Variants in KIAA0930 observed in about 807,000 individuals in gnomAD.
The protein encoded by KIAA0930 is KIAA0930.
KIAA0930 carries 24 observed loss-of-function variants against 43.9 expected under a neutral mutation model. The observed-to-expected ratio is 0.55, with a 90% CI of 0.40 to 0.77. The LOEUF is 0.77. Ranked by LOEUF, KIAA0930 falls within the 30% of genes least tolerant of loss-of-function variation. KIAA0930 has a pLI of 0.00. For synonymous variants in KIAA0930, 259 were observed against 216.4 expected (o/e 1.20, Z -1.73); for missense variants, 461 against 574.2 (o/e 0.80, Z 2.02).
At position 45,229,300 on chromosome 22, in the gene KIAA0930, CTGAAAGAT is replaced by C. The variant is rs1220125765; in HGVS notation, c.64+11332_64+11339del. ...CTCCACCCCCGCCATCACCACTCACCTGAAAGATCCCTCTCCACATCCCCACCACCACT... is the reference window on the plus strand; with the variant it reads ...CTCCACCCCCGCCATCACCACTCACCCCCTCTCCACATCCCCACCACCACT... On this transcript the variant is annotated intron_variant, in intron 1 of 9. Transcript: ENST00000336156. Among the ~76,000 whole-genome samples, 13 of 109,582 alleles carry C rather than the reference CTGAAAGAT, an allele frequency of 1.2e-4. 1 individual carries two copies. Among genetic ancestry groups the C allele is most frequent in the Admixed American group, 2.8e-4 (3 of 10,778 alleles). The allele number at this position is 109,582 out of a possible 152,430, so 71.9% of individuals were successfully genotyped here.
Position 45,196,869 on chromosome 22 carries a change from C to T in KIAA0930, c.*307G>A, listed in dbSNP as rs893502934. 2.1e-5 allele frequency: 8 copies of T among 378,224 alleles called. No individual in the cohort carries two copies. The highest frequency in any genetic ancestry group is 4.7e-5 in the Admixed American group (1 of 21,088). 23.4% of individuals were successfully genotyped at this position (378,224 alleles called of 1,614,324 possible). ...CGCTCTGGGCATCAGCTGCTCCTTCCGCTCTCTCTCATGGCCGCTCGGCAT... is the reference window on the plus strand; with the variant it reads ...CGCTCTGGGCATCAGCTGCTCCTTCTGCTCTCTCTCATGGCCGCTCGGCAT... On this transcript the variant is annotated 3_prime_UTR_variant, in exon 10 of 10. Transcript: ENST00000336156. This position sits in a 1 kb window ranked among gnomAD's most constrained non-coding sequence, Gnocchi z 4.1.
chr22:45,197,922 G>A lies in KIAA0930; in HGVS notation c.1042C>T (p.Arg348Trp), dbSNP rs1191308350. 9 of 1,614,044 alleles carry A rather than the reference G, an allele frequency of 5.6e-6. No homozygotes were observed. Among genetic ancestry groups the A allele is most frequent in the African/African-American group, 5.3e-5 (4 of 74,934 alleles). The change falls in exon 9 of 10, where the codon CGG becomes TGG. Residue 348 changes from arginine (R) to tryptophan (W), a missense_variant. Transcript: ENST00000336156. ...CCTGTGCCCGACAGGGACCGAGACC[G>A]CAGGTTGGTTGCATTGTGCAGATCG... ...GADLHNATNLRSRSLSGTGRS... is the reference protein window; with the variant it reads ...GADLHNATNLWSRSLSGTGRS...
chr22:45,197,653 CA>C lies in KIAA0930; in HGVS notation c.1174+136del, dbSNP rs1473020043. On this transcript the variant is annotated intron_variant, in intron 9 of 9. Coordinates refer to ENST00000336156, the MANE Select transcript of KIAA0930 (RefSeq NM_001009880.2). ...CACCCAAAGTCTGAGACAAAGAGGC[CA>C]AGAGCCCTGCAAAGAAACCCAACCA... is the stretch of plus-strand genomic sequence containing the variant. 6 of 842,908 alleles carry C rather than the reference CA, an allele frequency of 7.1e-6. No individual in the cohort carries two copies. The African/African-American group carries it at 1.0e-4, about 14-fold the overall frequency. 52.2% of individuals were successfully genotyped at this position (842,908 alleles called of 1,614,324 possible).
chr22:45,228,775 C>CACCCGAAAGATCCCTCCCCA (rs1601824851), intron 1 of KIAA0930, among the ~76,000 whole-genome samples: 1 of 3,646 alleles, frequency 2.7e-4, no homozygotes, highest in Non-Finnish European at 4.9e-4. Context: ...CCCTCCCCAT[C>CACCCGAAAGATCCCTCCCCA]CCCCCCAACC....
At chr22:45,227,877 C>A (rs1236916816) in intron 1 of KIAA0930, among the ~76,000 whole-genome samples, 1 of 152,320 alleles carries the variant, frequency 6.6e-6, no homozygotes, top group South Asian at 2.1e-4. Context: ...GAGAGGGCTC[C>A]CGGGAGCTGA....
intron 1 of KIAA0930, among the ~76,000 whole-genome samples, chr22:45,238,875 GCTCTCTCT>G (rs141242172): frequency 1.4e-4 from 20 of 145,404 alleles, no homozygotes; most frequent in African/African-American, 4.4e-4. Flanking sequence ...CCCTGGGCAG[GCTCTCTCT>G]CTCTCTCTCT....
chr22:45,200,320 A>G, intron 7 of KIAA0930: 1 of 377,982 alleles, frequency 2.6e-6, no homozygotes, highest in African/African-American at 2.1e-5. Flanking sequence ...CTGGGCCTCA[A>G]ACAGTGGGTA....
intron 7 of KIAA0930, among the ~76,000 whole-genome samples, chr22:45,201,742 A>G (rs973475880): frequency 6.6e-6 from 1 of 151,988 alleles, no homozygotes; most frequent in Non-Finnish European, 1.5e-5. Flanking sequence ...TGCAGAAGAT[A>G]CCTCCCCCCC....
At chr22:45,212,465 G>T in intron 1 of KIAA0930, 4 of 1,453,464 alleles carry the variant, frequency 2.8e-6, no homozygotes, top group Non-Finnish European at 3.6e-6. Flanking sequence ...GCTGGAAGCC[G>T]GGAAGGCTTG....
rs774355341 is a variant in KIAA0930, at chr22:45,197,936, T to A, written c.1028A>T (p.Asn343Ile). The change falls in exon 9 of 10, where the codon AAT (asparagine) becomes ATT (isoleucine). Residue 343 changes from asparagine (N) to isoleucine (I), a missense_variant. By Grantham distance (149) the Asn-to-Ile change is moderately radical. Transcript: ENST00000336156. Reference sequence around the variant, plus strand: ...GGACCGAGACCGCAGGTTGGTTGCATTGTGCAGATCGGCTGGAGGAAAGAA... The same window carrying A: ...GGACCGAGACCGCAGGTTGGTTGCAATGTGCAGATCGGCTGGAGGAAAGAA... Reference protein sequence around the residue: ...REDDGGADLHNATNLRSRSLS... With the variant: ...REDDGGADLHIATNLRSRSLS... 6.2e-7 allele frequency: 1 copy of A among 1,613,866 alleles called. No individual in the cohort carries two copies. Among genetic ancestry groups the A allele is most frequent in the East Asian group, 2.2e-5 (1 of 44,882 alleles).
chr22:45,220,782 T>C (rs556585131), intron 1 of KIAA0930, among the ~76,000 whole-genome samples: 99 of 152,284 alleles, frequency 6.5e-4, no homozygotes, highest in East Asian at 1.4e-3. Flanking sequence ...GGTTTCGCCA[T>C]GTTGCCCAGG....
intron 1 of KIAA0930, among the ~76,000 whole-genome samples, chr22:45,236,586 A>G (rs1749079418): frequency 3.3e-5 from 5 of 152,028 alleles, no homozygotes; most frequent in Admixed American, 3.3e-4. Context: ...AGGCTGCCAC[A>G]CAACCTGGAA....
Position 45,204,591 on chromosome 22 carries a change from T to G in KIAA0930, c.517-606A>C, listed in dbSNP as rs143471227. On this transcript the variant is annotated intron_variant, in intron 5 of 9. Transcript: ENST00000336156. ...TTTCCTGCAGACGCCCACGCCTTCC[T>G]CCTAAGTCCTCAGGGCCCTGAGCAC... Among the ~76,000 whole-genome samples, 1,198 of 152,226 alleles carry G rather than the reference T, an allele frequency of 7.9e-3. 10 individuals are homozygous for G. Among genetic ancestry groups the G allele is most frequent in the African/African-American group, 0.027 (1,140 of 41,528 alleles).
At chr22:45,208,918 C>T (rs5766543) in intron 2 of KIAA0930, among the ~76,000 whole-genome samples, 3,795 of 152,288 alleles carry the variant, frequency 0.025, 157 homozygotes, top group East Asian at 0.14. Context: ...CACAGGGCTC[C>T]GGCCACCAGC....
chr22:45,206,504 T>A (rs2083639121), intron 2 of KIAA0930, among the ~76,000 whole-genome samples: 1 of 152,232 alleles, frequency 6.6e-6, no homozygotes, highest in Non-Finnish European at 1.5e-5. Context: ...TAGTGACACC[T>A]ACTGAGCTCT....
chr22:45,238,335 G>C (rs1364196057), intron 1 of KIAA0930, among the ~76,000 whole-genome samples: 2 of 152,130 alleles, frequency 1.3e-5, no homozygotes, highest in African/African-American at 4.8e-5. Flanking sequence ...ATGTTTACTG[G>C]GCACCTGCTC....
intron 1 of KIAA0930, among the ~76,000 whole-genome samples, chr22:45,238,982 A>T (rs2083902608): frequency 6.6e-6 from 1 of 152,158 alleles, no homozygotes; most frequent in Non-Finnish European, 1.5e-5. Flanking sequence ...TTAAATTTGC[A>T]GCATGAGTAA....
intron 7 of KIAA0930, chr22:45,200,331 G>A (rs917837730): frequency 1.4e-5 from 5 of 357,188 alleles, no homozygotes; most frequent in African/African-American, 2.1e-5. Context: ...ACAGTGGGTA[G>A]GGGGTGTTCA....
intron 1 of KIAA0930, chr22:45,212,342 A>G: frequency 6.2e-7 from 1 of 1,610,780 alleles, no homozygotes; most frequent in Non-Finnish European, 8.5e-7. Context: ...CTGAGAGCCC[A>G]TGCTCCCAGC....
Sources: allele counts gnomAD v4.1 joint callset (sites outside exome capture counted in the v4.1 genomes callset), GRCh38; gene constraint gnomAD v4.1.1; non-coding constraint Gnocchi (gnomAD v3.1); transcripts MANE v1.5; gene names NCBI Gene and HGNC (gene_info 2026-07-23, HGNC 2026-07-21).